The following TSPAN2 variants were observed in gnomAD, a reference collection of about 807,000 sequenced individuals.
TSPAN2 encodes tetraspanin 2.
In TSPAN2, 24 loss-of-function variants were observed where a neutral mutation model predicts 33.3. That is an observed-to-expected ratio of 0.72 (90% CI 0.52 to 1.01). The LOEUF (loss-of-function observed/expected upper bound fraction) is 1.01. Ranked by LOEUF, TSPAN2 falls within the 50% of genes least tolerant of loss-of-function variation. The pLI is 0.00. For synonymous variants in TSPAN2, 114 were observed against 104.5 expected (o/e 1.09, Z -0.56); for missense variants, 278 against 281.3 (o/e 0.99, Z 0.08).
At chr1:115,070,979 T>A (rs1286329723) in intron 2 of TSPAN2, among the ~76,000 whole-genome samples, 1 of 152,170 alleles carries the variant, frequency 6.6e-6, no homozygotes, top group Non-Finnish European at 1.5e-5. Flanking sequence ...TAGGTTATAT[T>A]TTTTTGTCTC....
At chr1:115,071,072 T>TAAAA (rs1648153508) in intron 2 of TSPAN2, among the ~76,000 whole-genome samples, 1 of 152,178 alleles carries the variant, frequency 6.6e-6, no homozygotes, top group Non-Finnish European at 1.5e-5. Context: ...GGCAGATTCC[T>TAAAA]CTGCTTTTTC....
rs1248439505 is a variant in TSPAN2 at position 115,048,234 on chromosome 1, A to G, written c.*2256T>C. On this transcript the variant is annotated 3_prime_UTR_variant, in exon 8 of 8. Coordinates refer to ENST00000369516, the MANE Select transcript of TSPAN2 (RefSeq NM_005725.6). ...ACATGTATATATTCAAATTATATACATATAAAGATATTTGTAGATTCAAGA... is the reference window on the plus strand; with the variant it reads ...ACATGTATATATTCAAATTATATACGTATAAAGATATTTGTAGATTCAAGA... The G allele has an allele frequency of 6.7e-6, 1 of 149,986 alleles. No homozygotes were observed. The highest frequency in any genetic ancestry group is 1.5e-5 in the Non-Finnish European group (1 of 67,472). The allele number at this position is 149,986 out of a possible 1,614,324, so 9.3% of individuals were successfully genotyped here.
At chr1:115,078,476 T>C (rs1303020438) in intron 1 of TSPAN2, among the ~76,000 whole-genome samples, 4 of 152,094 alleles carry the variant, frequency 2.6e-5, no homozygotes, top group Non-Finnish European at 5.9e-5. Flanking sequence ...AGTGTGAGGA[T>C]ATGTGGGGTT....
chr1:115,055,593 G>A (rs796332817), intron 6 of TSPAN2, among the ~76,000 whole-genome samples: 9 of 151,788 alleles, frequency 5.9e-5, no homozygotes, highest in East Asian at 1.9e-4. Flanking sequence ...GCGCGATCTC[G>A]GCTCACTGCA....
At position 115,064,742 on chromosome 1, in the gene TSPAN2, AAC is replaced by A. The variant is rs1195352437; in HGVS notation, c.173-2512_173-2511del. Among the ~76,000 whole-genome samples the A allele has an allele frequency of 7.2e-5, 11 of 152,308 alleles. No individual in the cohort carries two copies. The South Asian group carries it at 1.0e-3, about 14-fold the overall frequency. ...TATATGCTGGAAACAGGTCTCAGCA[AAC>A]ATCCACAAAGCAACTACATAGCTGT... On this transcript the variant is annotated intron_variant, in intron 2 of 7. Coordinates refer to ENST00000369516, the MANE Select transcript of TSPAN2 (RefSeq NM_005725.6).
At chr1:115,070,004 T>C (rs543432152) in intron 2 of TSPAN2, among the ~76,000 whole-genome samples, 2 of 152,330 alleles carry the variant, frequency 1.3e-5, no homozygotes, top group South Asian at 2.1e-4. Flanking sequence ...TATGTGGAAC[T>C]GACATCTAGA....
In TSPAN2 at chr1:115,062,193, G is replaced by T. The variant is rs751491553; in HGVS notation, c.212C>A (p.Ala71Asp). ...VLVGAGALMM[A>D]VGFFGCCGAM... Reference sequence around the variant, plus strand: ...TCCGCAGCACCCGAAGAACCCCACGGCCATCATCAGGGCCCCGGCTCCAAC... The same window carrying T: ...TCCGCAGCACCCGAAGAACCCCACGTCCATCATCAGGGCCCCGGCTCCAAC... The change falls in exon 3 of 8, where the codon GCC becomes GAC. Residue 71 changes from alanine (A) to aspartate (D), a missense_variant. Ala to Asp is a moderately radical substitution (Grantham distance 126, BLOSUM62 -2). Transcript: ENST00000369516. The T allele has an allele frequency of 6.2e-7, 1 of 1,600,186 alleles. No individual in the cohort carries two copies. Among genetic ancestry groups the T allele is most frequent in the Non-Finnish European group, 8.5e-7 (1 of 1,173,250 alleles).
At chr1:115,076,274 A>G (rs1648408913) in intron 1 of TSPAN2, among the ~76,000 whole-genome samples, 1 of 152,112 alleles carries the variant, frequency 6.6e-6, no homozygotes, top group African/African-American at 2.4e-5. Context: ...TTTGTTAAGG[A>G]GAGTCTGGGG....
In TSPAN2 at chr1:115,062,232, C is replaced by A. The variant is rs192543979; in HGVS notation, c.173G>T (p.Gly58Val). 85 of 1,582,856 alleles carry A rather than the reference C, an allele frequency of 5.4e-5. No individual in the cohort carries two copies. The East Asian group carries it at 2.0e-3, about 37-fold the overall frequency. The change falls in exon 3 of 8, where the codon GGG (glycine) becomes GTG (valine). Residue 58 changes from glycine (G) to valine (V), a missense_variant and splice_region_variant. Physicochemically the swap from Gly to Val is moderately radical, Grantham distance 109. Coordinates refer to ENST00000369516, the MANE Select transcript of TSPAN2 (RefSeq NM_005725.6). ...CCCGGCTCCAACCAGAACATACAGCCCTGTGGGGAAGAGGTCAGAGGAGAC... is the reference window on the plus strand; with the variant it reads ...CCCGGCTCCAACCAGAACATACAGCACTGTGGGGAAGAGGTCAGAGGAGAC... The part of the protein sequence containing the change: ...EDKSPEYFYV[G>V]LYVLVGAGAL...
chr1:115,077,649 C>T (rs2101044018), intron 1 of TSPAN2, among the ~76,000 whole-genome samples: 1 of 152,352 alleles, frequency 6.6e-6, no homozygotes, highest in African/African-American at 2.4e-5. Flanking sequence ...AAAAAAAAGT[C>T]ATCGTGCATG....
At chr1:115,084,973 C>T (rs553542688) in intron 1 of TSPAN2, among the ~76,000 whole-genome samples, 4 of 152,330 alleles carry the variant, frequency 2.6e-5, no homozygotes, top group Admixed American at 1.3e-4. Context: ...GGGTCAGTAA[C>T]GCTGAGCAGC....
rs1278630036 is a variant in TSPAN2 at position 115,055,108 on chromosome 1, C to G, written c.517-1646G>C. On this transcript the variant is annotated intron_variant, in intron 6 of 7. Coordinates refer to ENST00000369516, the MANE Select transcript of TSPAN2 (RefSeq NM_005725.6). ...TTTTTTTCCTTCCTATACATTCAGC[C>G]TCTCCTTATCCATTGACATTTCTAC... Among the ~76,000 whole-genome samples, 16 of 152,304 alleles carry G rather than the reference C, an allele frequency of 1.1e-4. No homozygotes were observed. In the East Asian group the frequency reaches 3.1e-3, roughly 29 times the overall value.
rs189744926 is a variant in TSPAN2, at chr1:115,081,285, G to A, written c.69+8079C>T. ...ACTCTGGCGGGAGCAGGGAGACAAA[G>A]TCGGCTTCCTGGATGAGTGACAGCA... On this transcript the variant is annotated intron_variant, in intron 1 of 7. Transcript: ENST00000369516. 1.3e-3 allele frequency among the ~76,000 whole-genome samples: 203 copies of A among 152,252 alleles called. 1 individual carries two copies. Among genetic ancestry groups the A allele is most frequent in the African/African-American group, 4.6e-3 (192 of 41,544 alleles).
At chr1:115,089,257 C>A in intron 1 of TSPAN2, 107 bp downstream of exon 1, 2 of 973,436 alleles carry the variant, frequency 2.1e-6, no homozygotes, top group South Asian at 1.7e-5. Flanking sequence ...ACCCAGCCCT[C>A]CCCACGAGCG....
At chr1:115,082,501 C>T (rs961508154) in intron 1 of TSPAN2, among the ~76,000 whole-genome samples, 2 of 152,250 alleles carry the variant, frequency 1.3e-5, no homozygotes, top group Non-Finnish European at 2.9e-5. Flanking sequence ...CTTAGGAAAG[C>T]AGCTGGCACA....
intron 1 of TSPAN2, among the ~76,000 whole-genome samples, chr1:115,074,655 C>T (rs1648331988): frequency 6.6e-6 from 1 of 152,168 alleles, no homozygotes; most frequent in Non-Finnish European, 1.5e-5. Context: ...TTTTTTCCTT[C>T]TCAGTATATT....
In TSPAN2 at chr1:115,077,638, C is replaced by CA. The variant is rs200047142; in HGVS notation, c.70-4632dup. The stretch of plus-strand genomic sequence containing the variant: ...GTTTTCTTTAATAATGGCTATCTGC[C>CA]AAAAAAAAGTCATCGTGCATGAAGC... On this transcript the variant is annotated intron_variant, in intron 1 of 7. Transcript: ENST00000369516. 5.2e-3 allele frequency among the ~76,000 whole-genome samples: 794 copies of CA among 151,834 alleles called. 8 individuals carry two copies. The highest frequency in any genetic ancestry group is 0.018 in the African/African-American group (744 of 41,440).
chr1:115,081,812 C>T lies in TSPAN2; in HGVS notation c.69+7552G>A, dbSNP rs192490016. The stretch of plus-strand genomic sequence containing the variant: ...GCTTAATCTTCAAGATAGGAAACAT[C>T]GCTCCCATGGTTCCAATAATGTGGT... On this transcript the variant is annotated intron_variant, in intron 1 of 7. Coordinates refer to ENST00000369516, the MANE Select transcript of TSPAN2 (RefSeq NM_005725.6). 6.6e-5 allele frequency among the ~76,000 whole-genome samples: 10 copies of T among 152,304 alleles called. No individual in the cohort carries two copies. The East Asian group carries it at 1.4e-3, about 21-fold the overall frequency.
Position 115,048,736 on chromosome 1 carries a change from G to A in TSPAN2, c.*1754C>T, listed in dbSNP as rs1390315665. 6.6e-6 allele frequency: 1 copy of A among 151,866 alleles called. No individual in the cohort carries two copies. The highest frequency in any genetic ancestry group is 2.4e-5 in the African/African-American group (1 of 41,354). 9.4% of individuals were successfully genotyped at this position (151,866 alleles called of 1,614,324 possible). Reference sequence around the variant, plus strand: ...AAAAGGTCACATTTCTCAACTACTGGGGTACAAACTATATTTCATGAAGTA... The same window carrying A: ...AAAAGGTCACATTTCTCAACTACTGAGGTACAAACTATATTTCATGAAGTA... On this transcript the variant is annotated 3_prime_UTR_variant, in exon 8 of 8. Transcript: ENST00000369516.
Sources: allele counts gnomAD v4.1 joint callset (sites outside exome capture counted in the v4.1 genomes callset), GRCh38; gene constraint gnomAD v4.1.1; transcripts MANE v1.5; gene names NCBI Gene and HGNC (gene_info 2026-07-23, HGNC 2026-07-21).